The following RPTOR variants were observed in gnomAD, a reference collection of about 807,000 sequenced individuals.
RPTOR encodes regulatory associated protein of MTOR complex 1.
In RPTOR, 21 loss-of-function variants were observed where a neutral mutation model predicts 169.9. The observed-to-expected ratio is 0.12, with a 90% confidence interval of 0.09 to 0.18. The LOEUF (loss-of-function observed/expected upper bound fraction) is 0.18. Ranked by LOEUF, RPTOR falls within the 10% of genes least tolerant of loss-of-function variation. The pLI is 1.00. For missense variants in RPTOR, 1,133 were observed against 1,855.9 expected (o/e 0.61, Z 7.16); for synonymous variants, 732 against 753.2 (o/e 0.97, Z 0.46).
intron 9 of RPTOR, among the ~76,000 whole-genome samples, chr17:80,826,597 G>T (rs1308656764): frequency 6.6e-6 from 1 of 152,244 alleles, no homozygotes; most frequent in Non-Finnish European, 1.5e-5. Context: ...TGCTAGGCTG[G>T]GGCAGGGAAG....
rs140605515 is a variant in RPTOR at position 80,578,822 on chromosome 17, C to T, written c.162+33031C>T. Among the ~76,000 whole-genome samples the T allele has an allele frequency of 3.6e-3, 552 of 152,288 alleles. 3 individuals carry two copies. Among genetic ancestry groups the T allele is most frequent in the African/African-American group, 0.013 (533 of 41,566 alleles). ...CACAGCCTGGCGCTTGCTGGCACCGCTGCTAAGTGCACAGTGCAGGGGCCT... is the reference window on the plus strand; with the variant it reads ...CACAGCCTGGCGCTTGCTGGCACCGTTGCTAAGTGCACAGTGCAGGGGCCT... On this transcript the variant is annotated intron_variant, in intron 1 of 33. Transcript: ENST00000306801.
chr17:80,965,205 C>T lies in RPTOR; in HGVS notation c.*875C>T, dbSNP rs1174304414. The T allele has an allele frequency of 2.6e-5, 6 of 233,236 alleles. No individual in the cohort carries two copies. The highest frequency in any genetic ancestry group is 4.2e-5 in the Non-Finnish European group (5 of 118,074). The allele number at this position is 233,236 out of a possible 1,614,324, so 14.4% of individuals were successfully genotyped here. A position where few individuals can be genotyped will look rare whatever the true frequency, so the allele number is the denominator to read the frequency against. ...CCGACCTGTGGTCTCCATGCCTGTG[C>T]CCTCACACAGGTGTAGCACACGCAT... On this transcript the variant is annotated 3_prime_UTR_variant, in exon 34 of 34. Transcript: ENST00000306801.
At chr17:80,696,188 T>G (rs1317863599) in intron 3 of RPTOR, among the ~76,000 whole-genome samples, 1 of 152,222 alleles carries the variant, frequency 6.6e-6, no homozygotes, top group East Asian at 1.9e-4. Flanking sequence ...AGCTTTGTTT[T>G]GTTTTGTTTT....
chr17:80,910,437 T>C (rs942601051), intron 21 of RPTOR, among the ~76,000 whole-genome samples: 2 of 152,224 alleles, frequency 1.3e-5, no homozygotes, highest in Non-Finnish European at 2.9e-5. Context: ...TGGTAACTTT[T>C]TGATAAAACT....
At chr17:80,661,775 A>G (rs1425910871) in intron 3 of RPTOR, among the ~76,000 whole-genome samples, 3 of 151,482 alleles carry the variant, frequency 2.0e-5, no homozygotes, top group Non-Finnish European at 4.4e-5. Context: ...TGGTTCTCCC[A>G]GTATGGGTTT....
Position 80,964,499 on chromosome 17 carries a change from C to T in RPTOR, c.*169C>T, listed in dbSNP as rs1194300789. On this transcript the variant is annotated 3_prime_UTR_variant, in exon 34 of 34. Transcript: ENST00000306801. ...CCTGCTACTCGCTTTTGTCTGTCTT[C>T]GCTGTCGTGTCTGGAATGTCAGGGA... The T allele has an allele frequency of 1.1e-5, 7 of 656,728 alleles. No individual in the cohort carries two copies. The highest frequency in any genetic ancestry group is 5.5e-5 in the East Asian group (2 of 36,340). The allele number at this position is 656,728 out of a possible 1,614,324, so 40.7% of individuals were successfully genotyped here.
At chr17:80,903,713 C>A (rs890681631) in intron 20 of RPTOR, among the ~76,000 whole-genome samples, 2 of 152,162 alleles carry the variant, frequency 1.3e-5, no homozygotes, top group African/African-American at 4.8e-5. Flanking sequence ...CCTTACAAGC[C>A]CCGCGTGCAG....
At chr17:80,565,916 G>A (rs1354471135) in intron 1 of RPTOR, among the ~76,000 whole-genome samples, 2 of 152,224 alleles carry the variant, frequency 1.3e-5, no homozygotes, top group Admixed American at 6.5e-5. Flanking sequence ...TTTGGTGCCC[G>A]GTTTCTACAC....
chr17:80,634,347 C>A, intron 2 of RPTOR, among the ~76,000 whole-genome samples: 1 of 29,668 alleles, frequency 3.4e-5, no homozygotes, highest in South Asian at 1.0e-3. Context: ...GTACTGTGTG[C>A]ATGTGCGTAC....
chr17:80,834,304 T>C (rs1188892880), intron 9 of RPTOR, among the ~76,000 whole-genome samples: 1 of 152,176 alleles, frequency 6.6e-6, no homozygotes, highest in East Asian at 1.9e-4. Flanking sequence ...ACATCCTTTC[T>C]TCTCATTAGT....
intron 1 of RPTOR, among the ~76,000 whole-genome samples, chr17:80,572,768 G>T (rs563986547): frequency 6.6e-6 from 1 of 152,072 alleles, no homozygotes; most frequent in Non-Finnish European, 1.5e-5. Context: ...CTTTCCACTC[G>T]GAGGCTTGTT....
intron 1 of RPTOR, among the ~76,000 whole-genome samples, chr17:80,615,616 T>TA (rs2065303751): frequency 6.6e-6 from 1 of 152,194 alleles, no homozygotes. Flanking sequence ...TCATCTCTGA[T>TA]ACCCACTTAG....
chr17:80,938,734 G>A (rs1184242473), intron 24 of RPTOR, among the ~76,000 whole-genome samples: 2 of 152,152 alleles, frequency 1.3e-5, no homozygotes, highest in Non-Finnish European at 2.9e-5. Flanking sequence ...AGAAGAAAAA[G>A]AAGGAAGCAG....
At chr17:80,879,312 C>A (rs1463848735) in intron 13 of RPTOR, among the ~76,000 whole-genome samples, 1 of 151,368 alleles carries the variant, frequency 6.6e-6, no homozygotes, top group Non-Finnish European at 1.5e-5. Flanking sequence ...GGCTGCAGCT[C>A]CTGCTGGGCT....
At chr17:80,630,474 G>GCA (rs2065433678) in intron 2 of RPTOR, among the ~76,000 whole-genome samples, 1 of 152,168 alleles carries the variant, frequency 6.6e-6, no homozygotes, top group Non-Finnish European at 1.5e-5. Flanking sequence ...AAGTATGTAT[G>GCA]TATGTATGCA....
rs539640764 is a variant in RPTOR, at chr17:80,754,490, C to T, written c.830+305C>T. The stretch of plus-strand genomic sequence containing the variant: ...CGTCTTAGTACCAGGATAGGTCATA[C>T]TGGAAACTGGACTTTCTTTCAGGGG... On this transcript the variant is annotated intron_variant, in intron 6 of 33. Coordinates refer to ENST00000306801, the MANE Select transcript of RPTOR (RefSeq NM_020761.3). This position sits in a 1 kb window ranked among gnomAD's most constrained non-coding sequence, Gnocchi z 4.2. 1.8e-4 allele frequency among the ~76,000 whole-genome samples: 28 copies of T among 152,280 alleles called. No homozygotes were observed. Among genetic ancestry groups the T allele is most frequent in the African/African-American group, 6.5e-4 (27 of 41,546 alleles).
chr17:80,660,692 G>GCGGT (rs1272872038), intron 3 of RPTOR, among the ~76,000 whole-genome samples: 1 of 152,138 alleles, frequency 6.6e-6, no homozygotes, highest in Non-Finnish European at 1.5e-5. Flanking sequence ...GGCAACACAG[G>GCGGT]CGGTCCCATC....
intron 6 of RPTOR, among the ~76,000 whole-genome samples, chr17:80,768,746 T>C (rs2066813264): frequency 6.6e-6 from 1 of 152,174 alleles, no homozygotes; most frequent in South Asian, 2.1e-4. Context: ...TAACTGCTTA[T>C]TTGCCTCTTT....
At chr17:80,866,645 A>G (rs1194305545) in intron 13 of RPTOR, among the ~76,000 whole-genome samples, 2 of 152,260 alleles carry the variant, frequency 1.3e-5, no homozygotes, top group African/African-American at 4.8e-5. Context: ...GATGATAGGC[A>G]AATATCATGA....
Sources: allele counts gnomAD v4.1 joint callset (sites outside exome capture counted in the v4.1 genomes callset), GRCh38; gene constraint gnomAD v4.1.1; non-coding constraint Gnocchi (gnomAD v3.1); transcripts MANE v1.5; gene names NCBI Gene and HGNC (gene_info 2026-07-23, HGNC 2026-07-21).